Variants in ATXN1 observed in about 807,000 individuals in gnomAD.
ATXN1 encodes ataxin-1.
Under a neutral mutation model 56.4 loss-of-function variants are expected in ATXN1, and 8 were observed. The ratio of observed to expected loss-of-function variants is 0.14; its 90% CI spans 0.08 to 0.26. The LOEUF is 0.26. ATXN1 is among the 10% of genes least tolerant of loss of function. The probability of loss-of-function intolerance (pLI) is 1.00; values close to 1 mark genes in which losing one functional copy is unlikely to be tolerated. For missense variants in ATXN1, 987 were observed against 1,106.5 expected, an observed-to-expected ratio of 0.89 and a Z score of 1.53; for synonymous variants, 514 against 494.6, an observed-to-expected ratio of 1.04 and a Z score of -0.52.
At chr6:16,323,311 G>A (rs569397163) in intron 7 of ATXN1, among the ~76,000 whole-genome samples, 1 of 152,166 alleles carries the variant, frequency 6.6e-6, no homozygotes, top group Admixed American at 6.5e-5. Flanking sequence ...CTGAGGTCAG[G>A]AGTTCGAGAC....
chr6:16,565,485 AAAATCAAC>A (rs1179618923), intron 4 of ATXN1, among the ~76,000 whole-genome samples: 3 of 152,222 alleles, frequency 2.0e-5, no homozygotes, highest in African/African-American at 7.2e-5. Context: ...CTTCTCCATA[AAAATCAAC>A]AGTGTTTTTA....
rs141664123 is a variant in ATXN1, at chr6:16,626,554, C to T, written c.-489+31222G>A. On this transcript the variant is annotated intron_variant, in intron 3 of 7. Coordinates refer to ENST00000436367, the MANE Select transcript of ATXN1 (RefSeq NM_001128164.2). Reference sequence around the variant, plus strand: ...TGATGTGCCCACCCACCTCGGCCTCCCAAAGTACTGAGATTACAGGCATGA... The same window carrying T: ...TGATGTGCCCACCCACCTCGGCCTCTCAAAGTACTGAGATTACAGGCATGA... Among the ~76,000 whole-genome samples the T allele has an allele frequency of 3.7e-3, 570 of 152,224 alleles. 9 individuals are homozygous for T. The highest frequency in any genetic ancestry group is 0.013 in the African/African-American group (531 of 41,506).
intron 4 of ATXN1, among the ~76,000 whole-genome samples, chr6:16,540,338 A>ATT (rs1457021799): frequency 6.6e-6 from 1 of 152,014 alleles, no homozygotes; most frequent in African/African-American, 2.4e-5. Context: ...CAGCCTCCCA[A>ATT]GTAGCTGGGA....
At chr6:16,637,713 A>G (rs1561788947) in intron 3 of ATXN1, among the ~76,000 whole-genome samples, 2 of 152,186 alleles carry the variant, frequency 1.3e-5, no homozygotes, top group Non-Finnish European at 2.9e-5. Context: ...ACAAGAAGCT[A>G]TATAGTTCAG....
chr6:16,319,467 T>C (rs566356621), intron 7 of ATXN1, among the ~76,000 whole-genome samples: 7 of 152,306 alleles, frequency 4.6e-5, no homozygotes, highest in African/African-American at 1.4e-4. Flanking sequence ...AAATAGTTGA[T>C]GCATAAGGGA....
At chr6:16,689,366 C>T (rs956246073) in intron 2 of ATXN1, among the ~76,000 whole-genome samples, 3 of 152,072 alleles carry the variant, frequency 2.0e-5, no homozygotes, top group South Asian at 2.1e-4. Flanking sequence ...CAGGCTAGAG[C>T]GCAGTGGCAT....
At chr6:16,322,241 C>T (rs1037726588) in intron 7 of ATXN1, among the ~76,000 whole-genome samples, 6 of 152,080 alleles carry the variant, frequency 3.9e-5, no homozygotes, top group Non-Finnish European at 5.9e-5. Flanking sequence ...AGCAAACAAA[C>T]GAACACAAAA....
intron 4 of ATXN1, among the ~76,000 whole-genome samples, chr6:16,574,296 C>T (rs12181605): frequency 0.014 from 2,195 of 152,300 alleles, 66 homozygotes; most frequent in African/African-American, 0.049. Flanking sequence ...ACCTCTGCCT[C>T]CGGGGTTCAA....
At chr6:16,741,970 T>C (rs1480664895) in intron 2 of ATXN1, among the ~76,000 whole-genome samples, 1 of 152,180 alleles carries the variant, frequency 6.6e-6, no homozygotes, top group Non-Finnish European at 1.5e-5. Context: ...TTCAAGGGGT[T>C]ACAGAGGCTT....
Position 16,299,483 on chromosome 6 carries a change from A to AT in ATXN1, c.*6845dup, listed in dbSNP as rs1362299817. 6.5e-6 allele frequency: 1 copy of AT among 152,682 alleles called. No individual in the cohort carries two copies. Among genetic ancestry groups the AT allele is most frequent in the Admixed American group, 6.5e-5 (1 of 15,284 alleles). The allele number at this position is 152,682 out of a possible 1,614,324, so 9.5% of individuals were successfully genotyped here. A position where few individuals can be genotyped will look rare whatever the true frequency, so the allele number is the denominator to read the frequency against. On this transcript the variant is annotated 3_prime_UTR_variant, in exon 8 of 8. Coordinates refer to ENST00000436367, the MANE Select transcript of ATXN1 (RefSeq NM_001128164.2). ...CCTGTCACAATAAAAGCTCTTAACT[A>AT]TTATGTATGCACTTAAAATTTTCTT...
intron 2 of ATXN1, among the ~76,000 whole-genome samples, chr6:16,701,148 GT>G (rs1380866397): frequency 6.6e-6 from 1 of 152,146 alleles, no homozygotes; most frequent in Non-Finnish European, 1.5e-5. Flanking sequence ...CATTAAAAAA[GT>G]TTAGATACAG....
chr6:16,306,507 A>G lies in ATXN1; in HGVS notation c.2270T>C (p.Phe757Ser). 1 of 1,614,106 alleles carries G rather than the reference A, an allele frequency of 6.2e-7. No homozygotes were observed. The highest frequency in any genetic ancestry group is 1.1e-5 in the South Asian group (1 of 91,080). The change falls in exon 8 of 8, where the codon TTC becomes TCC. Residue 757 changes from phenylalanine (F) to serine (S), a missense_variant. Around this residue, in one of 3 missense-constraint regions of ATXN1, gnomAD observed 196 missense variants for 196.7 expected, o/e 1.00. Coordinates refer to ENST00000436367, the MANE Select transcript of ATXN1 (RefSeq NM_001128164.2). The surrounding 1 kb of genome is among the most constrained non-coding windows in gnomAD (Gnocchi z 5.2). ...PEKMGLPAAP[F>S]LTKIEPSKPA... is the part of the protein sequence containing the mutation. ...CTTGCTGGGTTCTATTTTGGTGAGG[A>G]AGGGCGCTGCAGGCAATCCCATTTT...
chr6:16,469,960 C>A (rs1330604781), intron 6 of ATXN1, among the ~76,000 whole-genome samples: 6 of 138,824 alleles, frequency 4.3e-5, no homozygotes, highest in Non-Finnish European at 1.6e-5. Context: ...AACTCTGTCT[C>A]AAAAAAAAAA....
At chr6:16,541,682 T>G (rs1761716490) in intron 4 of ATXN1, among the ~76,000 whole-genome samples, 1 of 152,166 alleles carries the variant, frequency 6.6e-6, no homozygotes, top group Non-Finnish European at 1.5e-5. Context: ...GTGCCGCACT[T>G]GGACCTGTAT....
intron 2 of ATXN1, among the ~76,000 whole-genome samples, chr6:16,679,924 T>C (rs889865152): frequency 2.6e-5 from 4 of 152,222 alleles, no homozygotes; most frequent in South Asian, 2.1e-4. Context: ...GTTCATAATG[T>C]GGTAATATTA....
intron 2 of ATXN1, among the ~76,000 whole-genome samples, chr6:16,696,022 A>G (rs3793114): frequency 0.061 from 9,298 of 152,196 alleles, 391 homozygotes; most frequent in African/African-American, 0.12. Flanking sequence ...GTAATATGAT[A>G]ACATATAAAT....
At chr6:16,460,795 T>C (rs535700622) in intron 6 of ATXN1, among the ~76,000 whole-genome samples, 14 of 152,312 alleles carry the variant, frequency 9.2e-5, no homozygotes, top group African/African-American at 3.4e-4. Context: ...TAGTTAGTGA[T>C]GTAACAGTAC....
At chr6:16,337,965 G>A (rs1359849878) in intron 6 of ATXN1, among the ~76,000 whole-genome samples, 1 of 152,204 alleles carries the variant, frequency 6.6e-6, no homozygotes, top group Non-Finnish European at 1.5e-5. Context: ...TACCACCACT[G>A]TGATAGATCT....
intron 6 of ATXN1, among the ~76,000 whole-genome samples, chr6:16,422,168 AT>A (rs985852501): frequency 3.9e-5 from 6 of 152,120 alleles, no homozygotes; most frequent in Admixed American, 3.3e-4. Flanking sequence ...AGGGCCACAT[AT>A]TTTGAGGTTT....
Sources: allele counts gnomAD v4.1 joint callset (sites outside exome capture counted in the v4.1 genomes callset), GRCh38; gene constraint gnomAD v4.1.1; regional missense constraint gnomAD v4.1.1; non-coding constraint Gnocchi (gnomAD v3.1); transcripts MANE v1.5; gene names NCBI Gene and HGNC (gene_info 2026-07-23, HGNC 2026-07-21).